Variants in GALK2 observed in about 807,000 individuals in gnomAD.
GALK2 encodes N-acetylgalactosamine kinase.
A neutral mutation model predicts 52.4 loss-of-function variants in GALK2; 36 were observed. That is an observed-to-expected ratio of 0.69 (90% CI 0.53 to 0.91). The LOEUF (loss-of-function observed/expected upper bound fraction) is 0.91, where lower values mean the gene tolerates loss of function less well. Ranked by LOEUF, GALK2 falls within the 40% of genes least tolerant of loss-of-function variation. GALK2 has a pLI of 0.00. For missense variants in GALK2, 579 were observed against 559.1 expected (o/e 1.04, Z -0.36); for synonymous variants, 176 against 199.1 (o/e 0.88, Z 0.98).
rs567551836 is a variant in GALK2 at position 49,164,649 on chromosome 15, C to T, written c.20+8633C>T. On this transcript the variant is annotated intron_variant, in intron 1 of 9. Coordinates refer to the GALK2 transcript ENST00000327171. ...TACAAAAATTAGCCGAGCGTGGTGG[C>T]GCATGCCTGTAATCCCAGATGCTCC... Among the ~76,000 whole-genome samples, 135 of 151,668 alleles carry T rather than the reference C, an allele frequency of 8.9e-4. 5 individuals are homozygous for T. The South Asian group carries it at 0.027, about 30-fold the overall frequency.
intron 3 of GALK2, among the ~76,000 whole-genome samples, chr15:49,355,230 G>C (rs1302699069): frequency 6.6e-6 from 1 of 152,236 alleles, no homozygotes; most frequent in Non-Finnish European, 1.5e-5. Context: ...AAGGAACAAA[G>C]CTGGATGGAG....
intron 5 of GALK2, among the ~76,000 whole-genome samples, chr15:49,257,828 T>C (rs2091876993): frequency 6.6e-6 from 1 of 151,708 alleles, no homozygotes; most frequent in Admixed American, 6.6e-5. Context: ...TTAGAAATGA[T>C]TATATGTTCC....
intron 8 of GALK2, among the ~76,000 whole-genome samples, chr15:49,317,783 A>C (rs1296513901): frequency 6.6e-6 from 1 of 152,188 alleles, no homozygotes; most frequent in Admixed American, 6.5e-5. Flanking sequence ...GCTGGAAACT[A>C]TCATTCTCAG....
intron 3 of GALK2, among the ~76,000 whole-genome samples, chr15:49,354,700 C>T (rs1404128445): frequency 3.9e-5 from 6 of 152,224 alleles, no homozygotes; most frequent in Non-Finnish European, 8.8e-5. Context: ...ATTAGGTAAA[C>T]AAAACAGTCG....
At chr15:49,315,011 TACA>T (rs1448312610) in intron 8 of GALK2, among the ~76,000 whole-genome samples, 4 of 152,248 alleles carry the variant, frequency 2.6e-5, no homozygotes, top group Non-Finnish European at 4.4e-5. Flanking sequence ...TAATTTATTA[TACA>T]AGCCAAAATT....
Position 49,349,738 on chromosome 15 carries a change from AC to A in GALK2, c.427-17752del, listed in dbSNP as rs574878379. Among the ~76,000 whole-genome samples, 26 of 152,292 alleles carry A rather than the reference AC, an allele frequency of 1.7e-4. No homozygotes were observed. The East Asian group carries it at 5.0e-3, about 29-fold the overall frequency. Reference sequence around the variant, plus strand: ...AGGTTACCAATAGTCATTGACCTCTACTGACTTCTGGGCTTATACAGAGAGT... The same window carrying A: ...AGGTTACCAATAGTCATTGACCTCTATGACTTCTGGGCTTATACAGAGAGT... On this transcript the variant is annotated intron_variant, in intron 3 of 3. Coordinates refer to the GALK2 transcript ENST00000558399.
At chr15:49,159,001 A>T (rs529066834) in intron 1 of GALK2, 7 of 152,056 alleles carry the variant, frequency 4.6e-5, no homozygotes, top group South Asian at 2.1e-4. Context: ...AATTTAAAAT[A>T]TTTTTTTTGT....
chr15:49,259,221 G>A (rs1323481102), intron 5 of GALK2, among the ~76,000 whole-genome samples: 1 of 151,260 alleles, frequency 6.6e-6, no homozygotes, highest in African/African-American at 2.4e-5. Context: ...AAGTTTTAGG[G>A]TACATGTGCA....
At chr15:49,285,663 CTCAG>C (rs1336556444) in intron 7 of GALK2, among the ~76,000 whole-genome samples, 2 of 152,192 alleles carry the variant, frequency 1.3e-5, no homozygotes, top group Non-Finnish European at 2.9e-5. Flanking sequence ...TGAAATTGAA[CTCAG>C]TCTTTCACAG....
chr15:49,239,594 A>G (rs905587591), intron 5 of GALK2, among the ~76,000 whole-genome samples: 2 of 152,230 alleles, frequency 1.3e-5, no homozygotes, highest in Non-Finnish European at 2.9e-5. Flanking sequence ...AATACATTGT[A>G]TTAAATATGG....
intron 2 of GALK2, among the ~76,000 whole-genome samples, chr15:49,208,268 A>G (rs2088492372): frequency 6.6e-6 from 1 of 151,982 alleles, no homozygotes; most frequent in Non-Finnish European, 1.5e-5. Context: ...GCTCTTTCAG[A>G]CTTTTTGATG....
chr15:49,288,935 G>A (rs1451416498), intron 7 of GALK2, among the ~76,000 whole-genome samples: 1 of 152,148 alleles, frequency 6.6e-6, no homozygotes, highest in Non-Finnish European at 1.5e-5. Flanking sequence ...GTAAGGGTTG[G>A]GTACAGGCTC....
chr15:49,223,715 T>C (rs2141415448), intron 3 of GALK2, among the ~76,000 whole-genome samples: 1 of 152,332 alleles, frequency 6.6e-6, no homozygotes, highest in East Asian at 1.9e-4. Context: ...GCAAAGGATA[T>C]GATTTCATCC....
At chr15:49,349,733 CCT>C (rs2041987667) in intron 3 of GALK2, among the ~76,000 whole-genome samples, 1 of 152,126 alleles carries the variant, frequency 6.6e-6, no homozygotes, top group South Asian at 2.1e-4. Flanking sequence ...TAGTCATTGA[CCT>C]CTACTGACTT....
chr15:49,241,069 G>T (rs779613307), intron 5 of GALK2, among the ~76,000 whole-genome samples: 1 of 152,048 alleles, frequency 6.6e-6, no homozygotes, highest in African/African-American at 2.4e-5. Flanking sequence ...AGATTATATC[G>T]GTGTCTGGCT....
intron 5 of GALK2, among the ~76,000 whole-genome samples, chr15:49,279,659 A>C (rs1440686378): frequency 1.3e-5 from 2 of 152,246 alleles, no homozygotes; most frequent in African/African-American, 4.8e-5. Context: ...ACTGTGACTC[A>C]GTAAATGTGG....
At chr15:49,226,369 GCTT>G (rs1166590144) in intron 3 of GALK2, among the ~76,000 whole-genome samples, 1 of 152,114 alleles carries the variant, frequency 6.6e-6, no homozygotes, top group Non-Finnish European at 1.5e-5. Context: ...AAGGTTCCCA[GCTT>G]CTTCTCTTTT....
exon 1 of GALK2, chr15:49,155,866 C>T (rs1175543950): frequency 9.8e-7 from 1 of 1,017,464 alleles, no homozygotes; most frequent in Non-Finnish European, 1.5e-6. Flanking sequence ...ACTGCGCTCG[C>T]ATCGAGCAGT....
intron 5 of GALK2, among the ~76,000 whole-genome samples, chr15:49,247,647 G>A (rs2091414768): frequency 6.6e-6 from 1 of 152,130 alleles, no homozygotes; most frequent in African/African-American, 2.4e-5. Context: ...TCAAGTAATT[G>A]GTGAGTTCTA....
Sources: allele counts gnomAD v4.1 joint callset (sites outside exome capture counted in the v4.1 genomes callset), GRCh38; gene constraint gnomAD v4.1.1; transcripts MANE v1.5; gene names NCBI Gene and HGNC (gene_info 2026-07-23, HGNC 2026-07-21).